ANXA10: variants seen among roughly 807,000 people sequenced by gnomAD.
The protein encoded by ANXA10 is annexin A10.
Under a neutral mutation model 53.5 loss-of-function variants are expected in ANXA10, and 49 were observed. The ratio of observed to expected loss-of-function variants is 0.92; its 90% confidence interval spans 0.73 to 1.16. The LOEUF (loss-of-function observed/expected upper bound fraction) is 1.16. Among genes scored for constraint, ANXA10 ranks in the 50% most tolerant of loss-of-function variants. The pLI is 0.00. For missense variants in ANXA10, 393 were observed against 394.4 expected, an observed-to-expected ratio of 1.00 and a Z score of 0.03; for synonymous variants, 131 against 128.9, an observed-to-expected ratio of 1.02 and a Z score of -0.11.
chr4:168,146,561 G>A (rs1035202709), intron 3 of ANXA10, among the ~76,000 whole-genome samples: 1 of 152,156 alleles, frequency 6.6e-6, no homozygotes, highest in Non-Finnish European at 1.5e-5. Context: ...TTTACCATAT[G>A]CCCAGCTTTT....
chr4:168,122,120 G>T (rs1023001102), intron 1 of ANXA10, among the ~76,000 whole-genome samples: 3 of 152,126 alleles, frequency 2.0e-5, no homozygotes, highest in African/African-American at 7.2e-5. Context: ...GATTACTGGC[G>T]TGAGCCACCG....
chr4:168,118,317 G>C (rs546906033), intron 1 of ANXA10, among the ~76,000 whole-genome samples: 1 of 152,262 alleles, frequency 6.6e-6, no homozygotes, highest in Admixed American at 6.5e-5. Context: ...AATGAGTATG[G>C]TGAATATTGT....
chr4:168,126,260 A>C (rs1303828764), intron 1 of ANXA10, among the ~76,000 whole-genome samples: 1 of 152,208 alleles, frequency 6.6e-6, no homozygotes, highest in African/African-American at 2.4e-5. Context: ...TGTCTCAAAA[A>C]AATTAGTAGA....
rs1485309101 is a variant in ANXA10, at chr4:168,184,610, G to C, written c.835G>C (p.Glu279Gln). The C allele has an allele frequency of 6.2e-7, 1 of 1,613,966 alleles. No individual in the cohort carries two copies. Among genetic ancestry groups the C allele is most frequent in the Non-Finnish European group, 8.5e-7 (1 of 1,179,872 alleles). ...AATCAGGATTCTCATTGCCAGAAGT[G>C]AAATAGACCTGCTGACCATAAGGAA... is the stretch of plus-strand genomic sequence containing the variant. The part of the protein sequence containing the change: ...TVIRILIARS[E>Q]IDLLTIRKRY... The change falls in exon 11 of 12, where the codon GAA becomes CAA. Residue 279 changes from glutamate to glutamine, a missense_variant. Physicochemically the swap from Glu to Gln is conservative, Grantham distance 29. Transcript: ENST00000359299.
At chr4:168,168,442 G>A (rs112926653) in intron 6 of ANXA10, among the ~76,000 whole-genome samples, 3,739 of 151,692 alleles carry the variant, frequency 0.025, 149 homozygotes, top group African/African-American at 0.083. Context: ...TTTTTTTAAC[G>A]GAGTTTCACT....
chr4:168,184,546 C>G lies in ANXA10; in HGVS notation c.784-13C>G. 1 of 1,613,308 alleles carries G rather than the reference C, an allele frequency of 6.2e-7. No individual in the cohort carries two copies. The highest frequency in any genetic ancestry group is 8.5e-7 in the Non-Finnish European group (1 of 1,179,592). On this transcript the variant is annotated splice_polypyrimidine_tract_variant and intron_variant, in intron 10 of 11. Transcript: ENST00000359299. ...CTGTCTTCTCATTTCTCCCACTTTT[C>G]TGTATCTTTTAGGACTTTGGTTTCC...
chr4:168,126,357 G>A (rs1370274515), intron 1 of ANXA10, among the ~76,000 whole-genome samples: 1 of 152,108 alleles, frequency 6.6e-6, no homozygotes, highest in Non-Finnish European at 1.5e-5. Flanking sequence ...TAGCTCAACT[G>A]GCATTCTAAA....
At chr4:168,127,924 A>C (rs1046036383) in intron 1 of ANXA10, among the ~76,000 whole-genome samples, 160 bp from the exon 2 acceptor site, 1 of 139,616 alleles carries the variant, frequency 7.2e-6, no homozygotes, top group Non-Finnish European at 1.5e-5. Context: ...GGGTTTCATC[A>C]TGTTGGCCAG....
intron 2 of ANXA10, among the ~76,000 whole-genome samples, 180 bp from the exon 3 acceptor site, chr4:168,139,306 G>A (rs900545314): frequency 8.5e-5 from 13 of 152,086 alleles, no homozygotes; most frequent in African/African-American, 3.1e-4. Context: ...TTAGGAGATA[G>A]GAAGGATCCA....
intron 3 of ANXA10, among the ~76,000 whole-genome samples, chr4:168,157,747 T>C (rs1731714759): frequency 6.6e-6 from 1 of 152,180 alleles, no homozygotes; most frequent in African/African-American, 2.4e-5. Context: ...ATGTCTAGAT[T>C]CATTTTCTCA....
chr4:168,178,617 G>A (rs1732180857), intron 8 of ANXA10, among the ~76,000 whole-genome samples: 1 of 151,784 alleles, frequency 6.6e-6, no homozygotes, highest in African/African-American at 2.4e-5. Flanking sequence ...ATAATGAAAA[G>A]ACATCTTCTT....
In ANXA10 at chr4:168,100,393, C is replaced by G. The variant is rs144020939; in HGVS notation, c.18+7675C>G. Among the ~76,000 whole-genome samples the G allele has an allele frequency of 1.5e-4, 23 of 152,242 alleles. No individual in the cohort carries two copies. In the East Asian group the frequency reaches 4.2e-3, roughly 28 times the overall value. On this transcript the variant is annotated intron_variant, in intron 1 of 11. Transcript: ENST00000359299. The stretch of plus-strand genomic sequence containing the variant: ...AAGGCTTTCTGTCACCTCACTATGA[C>G]AATGTGTGAGGCAGGACATTTCCAT...
intron 1 of ANXA10, among the ~76,000 whole-genome samples, chr4:168,095,838 A>G (rs1730532417): frequency 6.6e-6 from 1 of 152,138 alleles, no homozygotes; most frequent in Middle Eastern, 3.2e-3. Context: ...ACTGAGAGAA[A>G]AAAATGCCTA....
chr4:168,135,552 C>T (rs1731222759), intron 2 of ANXA10, among the ~76,000 whole-genome samples: 1 of 152,184 alleles, frequency 6.6e-6, no homozygotes, highest in Non-Finnish European at 1.5e-5. Flanking sequence ...TGTCATATTG[C>T]TGACTCTACT....
rs1560784131 is a variant in ANXA10 at position 168,155,992 on chromosome 4, A to ATTATATGATATAT, written c.196-6536_196-6535insTTATATGATATAT. On this transcript the variant is annotated intron_variant, in intron 3 of 11. Transcript: ENST00000359299. The stretch of plus-strand genomic sequence containing the variant: ...TATTATATGATATATCATATATTAT[A>ATTATATGATATAT]CATAATTTATATTATATGTTATATA... Among the ~76,000 whole-genome samples, 107 of 14,310 alleles carry ATTATATGATATAT rather than the reference A, an allele frequency of 7.5e-3. 33 individuals carry two copies. Among genetic ancestry groups the ATTATATGATATAT allele is most frequent in the African/African-American group, 0.026 (101 of 3,826 alleles). 9.4% of individuals were successfully genotyped at this position (14,310 alleles called of 152,430 possible). A position where few individuals can be genotyped will look rare whatever the true frequency, so the allele number is the denominator to read the frequency against.
At chr4:168,137,614 T>G (rs1291281914) in intron 2 of ANXA10, among the ~76,000 whole-genome samples, 1 of 152,188 alleles carries the variant, frequency 6.6e-6, no homozygotes, top group Admixed American at 6.5e-5. Context: ...ATTTCATTCT[T>G]TTTTATAGCT....
At chr4:168,184,881 G>A (rs1021538145) in intron 11 of ANXA10, among the ~76,000 whole-genome samples, 200 bp downstream of exon 11, 6 of 152,116 alleles carry the variant, frequency 3.9e-5, no homozygotes, top group African/African-American at 1.4e-4. Context: ...TCAGCTGGGC[G>A]TGGTGGCTAA....
At chr4:168,160,383 C>A (rs974712295) in intron 3 of ANXA10, among the ~76,000 whole-genome samples, 1 of 152,094 alleles carries the variant, frequency 6.6e-6, no homozygotes, top group Non-Finnish European at 1.5e-5. Context: ...CTGAAAAGGA[C>A]ATAATCTCAT....
intron 1 of ANXA10, among the ~76,000 whole-genome samples, chr4:168,120,020 A>G (rs1236583086): frequency 1.3e-5 from 2 of 152,158 alleles, no homozygotes; most frequent in South Asian, 4.2e-4. Flanking sequence ...TAGCTATAAT[A>G]GCATAGGATA....
Sources: gnomAD v4.1 joint callset for allele counts (sites outside exome capture counted in the v4.1 genomes callset) on GRCh38, gnomAD v4.1.1 for gene constraint, MANE v1.5 for transcripts, NCBI Gene and HGNC (gene_info 2026-07-23, HGNC 2026-07-21) for gene names.